CTNNA3: variants seen among roughly 807,000 people sequenced by gnomAD.
CTNNA3 encodes the protein catenin alpha-3.
Under a neutral mutation model 95.7 loss-of-function variants are expected in CTNNA3, and 76 were observed. The ratio of observed to expected loss-of-function variants is 0.79; its 90% CI spans 0.66 to 0.96. The LOEUF is 0.96. CTNNA3 is among the 40% of genes least tolerant of loss of function. CTNNA3 has a pLI of 0.00. For missense variants in CTNNA3, 1,191 were observed against 1,089.8 expected, an observed-to-expected ratio of 1.09 and a Z score of -1.31; for synonymous variants, 431 against 374.4, an observed-to-expected ratio of 1.15 and a Z score of -1.74.
chr10:66,914,843 C>T lies in CTNNA3; in HGVS notation c.1048-139319G>A, dbSNP rs183750307. 1.4e-4 allele frequency among the ~76,000 whole-genome samples: 21 copies of T among 152,262 alleles called. No individual in the cohort carries two copies. The East Asian group carries it at 3.7e-3, about 27-fold the overall frequency. ...ATGCACATGAATGTTTCTTTATTTA[C>T]AAAAACTTAATTTTATTTATATTGC... is the stretch of plus-strand genomic sequence containing the variant. On this transcript the variant is annotated intron_variant, in intron 7 of 17. Coordinates refer to ENST00000433211, the MANE Select transcript of CTNNA3 (RefSeq NM_013266.4).
intron 7 of CTNNA3, among the ~76,000 whole-genome samples, chr10:66,910,558 A>C (rs1005432526): frequency 6.6e-6 from 1 of 152,360 alleles, no homozygotes; most frequent in Admixed American, 6.5e-5. Flanking sequence ...GAAAACTATC[A>C]AAAGAATGAA....
intron 13 of CTNNA3, among the ~76,000 whole-genome samples, chr10:66,125,864 A>T (rs150765020): frequency 7.9e-5 from 12 of 152,352 alleles, no homozygotes; most frequent in African/African-American, 2.4e-4. Context: ...AGGAGGATTG[A>T]ATAGGTGAAG....
chr10:66,431,540 T>C (rs1000952401), intron 11 of CTNNA3, among the ~76,000 whole-genome samples: 3 of 151,910 alleles, frequency 2.0e-5, no homozygotes, highest in Non-Finnish European at 4.4e-5. Context: ...ATATGGCACA[T>C]ATACACCATG....
intron 7 of CTNNA3, among the ~76,000 whole-genome samples, chr10:66,921,287 ATC>A (rs1846774287): frequency 6.6e-6 from 1 of 152,146 alleles, no homozygotes. Flanking sequence ...CAAATGCTCT[ATC>A]TCCAAATACC....
chr10:66,072,443 T>TTTTTGTTTTGTTTTGTTTTGTTTTG (rs10674853), intron 14 of CTNNA3, among the ~76,000 whole-genome samples: 42 of 151,042 alleles, frequency 2.8e-4, no homozygotes, highest in African/African-American at 1.0e-3. Context: ...CATTTTCTTG[T>TTTTTGTTTTGTTTTGTTTTGTTTTG]TTTTGTTTTG....
chr10:67,115,883 C>A (rs1859158544), intron 7 of CTNNA3, among the ~76,000 whole-genome samples: 1 of 151,776 alleles, frequency 6.6e-6, no homozygotes, highest in East Asian at 2.0e-4. Flanking sequence ...TAAATAGACA[C>A]CTCTAAAGAA....
chr10:66,378,015 C>T (rs10509269), intron 12 of CTNNA3, among the ~76,000 whole-genome samples: 14,389 of 151,860 alleles, frequency 0.095, 859 homozygotes, highest in East Asian at 0.22. Context: ...AATTACATAC[C>T]AAGATTCATC....
chr10:67,099,855 T>C (rs1169201772), intron 7 of CTNNA3: 1 of 151,810 alleles, frequency 6.6e-6, no homozygotes, highest in Admixed American at 6.6e-5. Flanking sequence ...ATTATTCTTA[T>C]TCTTAATTCT....
At chr10:67,526,155 A>G (rs1840137939) in intron 4 of CTNNA3, among the ~76,000 whole-genome samples, 2 of 152,196 alleles carry the variant, frequency 1.3e-5, no homozygotes, top group African/African-American at 4.8e-5. Context: ...TAGCTAATCT[A>G]CCTTACTTAA....
chr10:67,321,212 C>T (rs1841306196), intron 5 of CTNNA3, among the ~76,000 whole-genome samples: 1 of 152,172 alleles, frequency 6.6e-6, no homozygotes, highest in African/African-American at 2.4e-5. Flanking sequence ...TCACCAATCC[C>T]CATGTTTATA....
At chr10:66,814,461 G>A (rs764880504) in intron 7 of CTNNA3, among the ~76,000 whole-genome samples, 34 of 152,128 alleles carry the variant, frequency 2.2e-4, no homozygotes, top group Non-Finnish European at 3.5e-4. Context: ...CAAAAAGACG[G>A]GCTGGGTGCA....
At chr10:67,301,074 G>A (rs1402607588) in intron 5 of CTNNA3, among the ~76,000 whole-genome samples, 1 of 152,166 alleles carries the variant, frequency 6.6e-6, no homozygotes, top group African/African-American at 2.4e-5. Context: ...AGTGAGCCAG[G>A]AGGAGTTAGA....
At chr10:66,638,226 A>T (rs1845399924) in intron 9 of CTNNA3, among the ~76,000 whole-genome samples, 1 of 152,172 alleles carries the variant, frequency 6.6e-6, no homozygotes, top group African/African-American at 2.4e-5. Flanking sequence ...GAATTATCTT[A>T]TTAAGAACTG....
chr10:65,969,538 C>T (rs954499474), intron 16 of CTNNA3, among the ~76,000 whole-genome samples: 3 of 152,058 alleles, frequency 2.0e-5, no homozygotes, highest in African/African-American at 7.2e-5. Flanking sequence ...CTTTTTAAAG[C>T]AATCCAGAGA....
intron 1 of CTNNA3, among the ~76,000 whole-genome samples, chr10:67,654,848 AAG>A (rs1368294820): frequency 1.3e-5 from 2 of 152,156 alleles, no homozygotes; most frequent in African/African-American, 2.4e-5. Flanking sequence ...ATTTCCATGC[AAG>A]AGTGTGCATT....
intron 7 of CTNNA3, among the ~76,000 whole-genome samples, chr10:66,981,184 G>C (rs867594130): frequency 6.6e-6 from 1 of 152,300 alleles, no homozygotes; most frequent in East Asian, 1.9e-4. Flanking sequence ...GATTACAGGC[G>C]TGAGCCACCG....
chr10:67,016,154 T>G (rs775379173), intron 7 of CTNNA3, among the ~76,000 whole-genome samples: 5 of 152,178 alleles, frequency 3.3e-5, no homozygotes, highest in African/African-American at 4.8e-5. Flanking sequence ...AAAATGGTAG[T>G]TTTATGCATG....
chr10:67,205,226 G>C (rs187567752), intron 6 of CTNNA3, among the ~76,000 whole-genome samples: 1 of 152,138 alleles, frequency 6.6e-6, no homozygotes, highest in Non-Finnish European at 1.5e-5. Context: ...GCAAGATGGG[G>C]GTTGGTTATA....
At chr10:66,036,216 G>A (rs2079560501) in intron 15 of CTNNA3, among the ~76,000 whole-genome samples, 1 of 152,142 alleles carries the variant, frequency 6.6e-6, no homozygotes, top group African/African-American at 2.4e-5. Context: ...TATTAATCAT[G>A]CAGTTTAACC....
Sources: gnomAD v4.1 joint callset for allele counts (sites outside exome capture counted in the v4.1 genomes callset) on GRCh38, gnomAD v4.1.1 for gene constraint, MANE v1.5 for transcripts, NCBI Gene and HGNC (gene_info 2026-07-23, HGNC 2026-07-21) for gene names.